The following SPAST variants were observed in gnomAD, a reference collection of about 807,000 sequenced individuals.
SPAST encodes spastin.
In SPAST, 30 loss-of-function variants were observed where a neutral mutation model predicts 76.6. That is an observed-to-expected ratio of 0.39 (90% CI 0.29 to 0.53). SPAST has a LOEUF of 0.53. Ranked by LOEUF, SPAST falls within the 20% of genes least tolerant of loss-of-function variation. The pLI, the probability that SPAST is intolerant of heterozygous loss-of-function variation, is 0.68. For synonymous variants in SPAST, 305 were observed against 281.0 expected (o/e 1.09, Z -0.86); for missense variants, 717 against 770.5 (o/e 0.93, Z 0.82).
intron 14 of SPAST, 129 bp from the exon 15 acceptor site, chr2:32,144,808 C>T: frequency 1.5e-6 from 1 of 680,740 alleles, no homozygotes; most frequent in Non-Finnish European, 2.7e-6. Context: ...AGAATCGCTC[C>T]AGGAGGTGGA....
chr2:32,098,091 CTT>C, intron 3 of SPAST, among the ~76,000 whole-genome samples: 1 of 152,158 alleles, frequency 6.6e-6, no homozygotes, highest in Non-Finnish European at 1.5e-5. Context: ...ACCATGCAGT[CTT>C]TTAAAAAATC....
chr2:32,109,593 T>C (rs1678455062), intron 4 of SPAST, among the ~76,000 whole-genome samples: 1 of 151,520 alleles, frequency 6.6e-6, no homozygotes, highest in African/African-American at 2.4e-5. Context: ...ATTCCTTTTT[T>C]TTTTCTATCA....
At chr2:32,087,628 G>T in intron 2 of SPAST, 50 bp downstream of exon 2, 2 of 788,754 alleles carry the variant, frequency 2.5e-6, no homozygotes, top group Non-Finnish European at 4.1e-6. Flanking sequence ...ATATTCACAT[G>T]ATTGTCCAGA....
chr2:32,123,995 T>C (rs1385661042), intron 7 of SPAST, among the ~76,000 whole-genome samples: 1 of 135,526 alleles, frequency 7.4e-6, no homozygotes, highest in Non-Finnish European at 1.6e-5. Context: ...TACCAAAACA[T>C]GATCCTTGAA....
At chr2:32,065,621 C>T (rs1328361037) in intron 1 of SPAST, among the ~76,000 whole-genome samples, 1 of 152,166 alleles carries the variant, frequency 6.6e-6, no homozygotes, top group Admixed American at 6.5e-5. Flanking sequence ...ATCCTTACTT[C>T]CAGTATGCTG....
intron 7 of SPAST, among the ~76,000 whole-genome samples, chr2:32,124,455 G>T (rs1045497340): frequency 1.5e-4 from 23 of 152,076 alleles, no homozygotes; most frequent in Non-Finnish European, 2.6e-4. Flanking sequence ...TTGGAAGGTA[G>T]TTGGACAGTT....
At chr2:32,113,468 G>A (rs915134541) in intron 4 of SPAST, among the ~76,000 whole-genome samples, 3 of 151,318 alleles carry the variant, frequency 2.0e-5, no homozygotes, top group African/African-American at 7.3e-5. Flanking sequence ...AATCAAAGTA[G>A]TCGAGTGCTA....
chr2:32,072,268 C>G (rs1331393618), intron 1 of SPAST, among the ~76,000 whole-genome samples: 2 of 152,092 alleles, frequency 1.3e-5, no homozygotes, highest in East Asian at 1.9e-4. Flanking sequence ...TGGTCTCGAT[C>G]TCTTGACCTC....
chr2:32,157,405 G>A lies in SPAST; in HGVS notation c.*2909G>A, dbSNP rs1038709434. ...TTCTAATTTAATTACATATACAGCC[G>A]TCTTTGTTTATAGTGTAGAATTCTT... On this transcript the variant is annotated 3_prime_UTR_variant, in exon 17 of 17. Transcript: ENST00000315285. The A allele has an allele frequency of 1.3e-5, 2 of 152,590 alleles. No homozygotes were observed. The highest frequency in any genetic ancestry group is 2.4e-5 in the African/African-American group (1 of 41,444). 9.5% of individuals were successfully genotyped at this position (152,590 alleles called of 1,614,324 possible).
intron 9 of SPAST, 33 bp downstream of exon 9, chr2:32,128,512 TAA>T: frequency 7.4e-7 from 1 of 1,343,266 alleles, no homozygotes; most frequent in Admixed American, 1.7e-5. Context: ...TGTCGTATTT[TAA>T]GTTACTGTCT....
intron 4 of SPAST, among the ~76,000 whole-genome samples, chr2:32,105,098 A>G (rs1321097959): frequency 5.3e-5 from 8 of 152,120 alleles, no homozygotes; most frequent in African/African-American, 1.4e-4. Flanking sequence ...CCCGTCAGAC[A>G]TAGATTTGGT....
At chr2:32,132,021 C>T (rs1359305170) in intron 9 of SPAST, among the ~76,000 whole-genome samples, 1 of 152,140 alleles carries the variant, frequency 6.6e-6, no homozygotes, top group Non-Finnish European at 1.5e-5. Context: ...TTCATGTTTT[C>T]AGAAACAACA....
rs1558620224 is a variant in SPAST, at chr2:32,083,765, TATA to T, written c.416-3726_416-3724del. Among the ~76,000 whole-genome samples, 48 of 97,976 alleles carry T rather than the reference TATA, an allele frequency of 4.9e-4. 1 individual carries two copies. The highest frequency in any genetic ancestry group is 1.9e-3 in the African/African-American group (45 of 23,520). The allele number at this position is 97,976 out of a possible 152,430, so 64.3% of individuals were successfully genotyped here. ...TTTATATATACTATATATATATATA[TATA>T]TATATATATTTTTTTTTTTTTTTGA... On this transcript the variant is annotated intron_variant, in intron 1 of 16. Coordinates refer to ENST00000315285, the MANE Select transcript of SPAST (RefSeq NM_014946.4).
intron 1 of SPAST, among the ~76,000 whole-genome samples, chr2:32,081,791 A>AAAAAAAAAAAAAAAG (rs1370817349): frequency 6.8e-6 from 1 of 146,528 alleles, no homozygotes; most frequent in Non-Finnish European, 1.5e-5. Context: ...CAAAAAAAAA[A>AAAAAAAAAAAAAAAG]AAAAAAAAAA....
intron 1 of SPAST, among the ~76,000 whole-genome samples, chr2:32,076,138 T>C (rs963279969): frequency 4.6e-5 from 7 of 151,874 alleles, no homozygotes; most frequent in Non-Finnish European, 8.8e-5. Flanking sequence ...TCGCCTCGTG[T>C]GATCCACCTG....
At chr2:32,144,678 G>C (rs1679827732) in intron 14 of SPAST, among the ~76,000 whole-genome samples, 1 of 152,102 alleles carries the variant, frequency 6.6e-6, no homozygotes, top group African/African-American at 2.4e-5. Context: ...CTGAGGTCAG[G>C]AGTTCGAGAC....
intron 4 of SPAST, among the ~76,000 whole-genome samples, chr2:32,109,205 T>C (rs751315870): frequency 9.9e-5 from 15 of 152,034 alleles, no homozygotes; most frequent in Non-Finnish European, 1.9e-4. Flanking sequence ...GCCTCCTGGG[T>C]TTAAGCGATT....
At chr2:32,075,081 A>G (rs1384725220) in intron 1 of SPAST, among the ~76,000 whole-genome samples, 1 of 152,072 alleles carries the variant, frequency 6.6e-6, no homozygotes, top group Non-Finnish European at 1.5e-5. Flanking sequence ...ACTTTTTAGG[A>G]TGCAGTAGCA....
chr2:32,079,776 T>A (rs1677128889), intron 1 of SPAST, among the ~76,000 whole-genome samples: 2 of 152,154 alleles, frequency 1.3e-5, no homozygotes, highest in African/African-American at 4.8e-5. Flanking sequence ...TCACCATCTC[T>A]AACTCCTGGG....
Sources: gnomAD v4.1 joint callset for allele counts (sites outside exome capture counted in the v4.1 genomes callset) on GRCh38, gnomAD v4.1.1 for gene constraint, MANE v1.5 for transcripts, NCBI Gene and HGNC (gene_info 2026-07-23, HGNC 2026-07-21) for gene names.